POLK: variants seen among roughly 807,000 people sequenced by gnomAD.
POLK encodes DNA polymerase kappa, also known as polymerase (DNA directed) kappa.
A neutral mutation model predicts 94.0 loss-of-function variants in POLK; 76 were observed. That is an observed-to-expected ratio of 0.81 (90% CI 0.67 to 0.98). The LOEUF (loss-of-function observed/expected upper bound fraction) is 0.98, where lower values mean the gene tolerates loss of function less well. POLK is among the 50% of genes least tolerant of loss of function. The pLI is 0.00. For synonymous variants in POLK, 349 were observed against 325.4 expected (o/e 1.07, Z -0.78); for missense variants, 954 against 1,010.1 (o/e 0.94, Z 0.75).
intron 7 of POLK, 190 bp from the exon 8 acceptor site, chr5:75,583,103 G>A (rs927495849): frequency 3.2e-5 from 14 of 443,474 alleles, no homozygotes; most frequent in Non-Finnish European, 5.6e-5. Context: ...ACTGTAACTA[G>A]TACAATTTAT....
chr5:75,573,379 G>A (rs1011106964), intron 4 of POLK, among the ~76,000 whole-genome samples: 4 of 152,114 alleles, frequency 2.6e-5, no homozygotes, highest in African/African-American at 4.8e-5. Context: ...GGGGGGAAGG[G>A]GGAGGGATAG....
rs760963756 is a variant in POLK, at chr5:75,579,971, T to TAAA, written c.695-1221_695-1219dup. Among the ~76,000 whole-genome samples, 144 of 125,444 alleles carry TAAA rather than the reference T, an allele frequency of 1.1e-3. 1 individual carries two copies. In the East Asian group the frequency reaches 0.028, roughly 24 times the overall value. 82.3% of individuals were successfully genotyped at this position (125,444 alleles called of 152,430 possible). ...CCTGGGCAAGAGGGAGACCCTGTCT[T>TAAA]AAAAAAAAAAAAAAAAAAAGAGAGA... is the stretch of plus-strand genomic sequence containing the variant. On this transcript the variant is annotated intron_variant, in intron 6 of 14. Transcript: ENST00000241436.
intron 1 of POLK, among the ~76,000 whole-genome samples, chr5:75,531,028 C>T (rs923087773): frequency 4.0e-5 from 6 of 151,690 alleles, no homozygotes; most frequent in African/African-American, 9.7e-5. Flanking sequence ...AGGATGGTCT[C>T]GATCTCCTGA....
At chr5:75,584,791 T>C (rs746549263) in exon 9 of POLK, 68 of 1,568,364 alleles carry the variant, frequency 4.3e-5, no homozygotes, top group Middle Eastern at 1.7e-4. Flanking sequence ...ACAGAGAAAA[T>C]GTTAAAGGCC....
intron 10 of POLK, 72 bp from the exon 11 acceptor site, chr5:75,590,272 C>A: frequency 2.9e-6 from 2 of 701,268 alleles, no homozygotes; most frequent in Non-Finnish European, 4.7e-6. Context: ...GCCATATAAA[C>A]ATGCATACCA....
exon 13 of POLK, chr5:75,596,688 T>C (rs1339067137): frequency 1.2e-6 from 2 of 1,614,016 alleles, no homozygotes; most frequent in South Asian, 2.2e-5. Flanking sequence ...CACATGTTTC[T>C]GCTACCAAAG....
intron 13 of POLK, 195 bp from the exon 14 acceptor site, chr5:75,597,552 A>T (rs1773157996): frequency 2.3e-6 from 1 of 428,972 alleles, no homozygotes; most frequent in Non-Finnish European, 4.1e-6. Flanking sequence ...CCCAAATTTC[A>T]CCAATAAAAT....
At chr5:75,575,028 G>C (rs1771800549) in intron 5 of POLK, among the ~76,000 whole-genome samples, 1 of 152,328 alleles carries the variant, frequency 6.6e-6, no homozygotes, top group African/African-American at 2.4e-5. Flanking sequence ...GGTTATTTAT[G>C]TAAGTCAGAG....
At chr5:75,569,244 C>T (rs1581042963) in intron 3 of POLK, 96 bp from the exon 4 acceptor site, 1 of 808,322 alleles carries the variant, frequency 1.2e-6, no homozygotes, top group Non-Finnish European at 1.9e-6. Context: ...TGGACAGAGA[C>T]TGATAGACAC....
Position 75,597,792 on chromosome 5 carries a change from A to G in POLK, c.2528+3A>G. On this transcript the variant is annotated splice_donor_region_variant and intron_variant, in intron 14 of 14. Transcript: ENST00000241436. Reference sequence around the variant, plus strand: ...AAGGCTGTAACAAGAACAAAAAGGTATGGCTAATTTGAGCTTTAATAAAGC... The same window carrying G: ...AAGGCTGTAACAAGAACAAAAAGGTGTGGCTAATTTGAGCTTTAATAAAGC... The G allele has an allele frequency of 2.0e-6, 3 of 1,502,748 alleles. No homozygotes were observed. Among genetic ancestry groups the G allele is most frequent in the African/African-American group, 1.4e-5 (1 of 70,508 alleles). The allele number at this position is 1,502,748 out of a possible 1,614,324, so 93.1% of individuals were successfully genotyped here. A position where few individuals can be genotyped will look rare whatever the true frequency, so the allele number is the denominator to read the frequency against.
intron 1 of POLK, among the ~76,000 whole-genome samples, chr5:75,531,745 CTG>C (rs1217354634): frequency 6.6e-6 from 1 of 151,778 alleles, no homozygotes; most frequent in Non-Finnish European, 1.5e-5. Context: ...TGAGCTGAGA[CTG>C]TGTCACTACA....
In POLK at chr5:75,597,783, CA is replaced by C; in HGVS notation, c.2527del (p.Arg843GlyfsTer4). On this transcript the variant is annotated frameshift_variant, in exon 14 of 15. Transcript: ENST00000241436. LOFTEE classifies it high-confidence loss of function. The stretch of plus-strand genomic sequence containing the variant: ...GGAGTACAGAAGGCTGTAACAAGAA[CA>C]AAAAGGTATGGCTAATTTGAGCTTT... 1 of 1,511,912 alleles carries C rather than the reference CA, an allele frequency of 6.6e-7. No homozygotes were observed. Among genetic ancestry groups the C allele is most frequent in the Admixed American group, 2.0e-5 (1 of 48,844 alleles). The allele number at this position is 1,511,912 out of a possible 1,614,324, so 93.7% of individuals were successfully genotyped here.
rs185752953 is a variant in POLK at position 75,597,148 on chromosome 5, A to C, written c.2455A>C (p.Asn819His). 1,474 of 1,602,126 alleles carry C rather than the reference A, an allele frequency of 9.2e-4. 1 individual carries two copies. The highest frequency in any genetic ancestry group is 1.1e-3 in the Non-Finnish European group (1,299 of 1,169,656). ...AAGAAAGGATAAATTTAACCCAGTT[A>C]ATCAACCCAAAGAAAGCTCCAGAAG... The change falls in exon 13 of 15, where the codon AAT (asparagine) becomes CAT (histidine). Residue 819 changes from asparagine (N) to histidine (H), a missense_variant. Coordinates refer to ENST00000241436, the Ensembl canonical transcript of POLK.
At chr5:75,554,703 T>A (rs1770514002) in intron 3 of POLK, among the ~76,000 whole-genome samples, 2 of 152,142 alleles carry the variant, frequency 1.3e-5, no homozygotes, top group South Asian at 4.1e-4. Context: ...TTCCCTTGTA[T>A]GTGTCCATGT....
At chr5:75,520,017 T>C (rs1047900440) in intron 1 of POLK, among the ~76,000 whole-genome samples, 10 of 152,218 alleles carry the variant, frequency 6.6e-5, no homozygotes, top group African/African-American at 2.2e-4. Context: ...TTAATTGCTG[T>C]TTATTTTTAG....
chr5:75,601,634 A>T (rs1773299044), downstream of POLK, among the ~76,000 whole-genome samples: 1 of 152,176 alleles, frequency 6.6e-6, no homozygotes, highest in Non-Finnish European at 1.5e-5. Flanking sequence ...CCTGTGCTGC[A>T]TGTCTTCTGC....
chr5:75,533,889 G>A (rs1207488488), intron 1 of POLK, among the ~76,000 whole-genome samples: 1 of 152,162 alleles, frequency 6.6e-6, no homozygotes, highest in Non-Finnish European at 1.5e-5. Flanking sequence ...CTGTCAGCTT[G>A]GAGGTTGCTG....
At chr5:75,563,966 G>A (rs886705938) in intron 3 of POLK, among the ~76,000 whole-genome samples, 4 of 152,266 alleles carry the variant, frequency 2.6e-5, no homozygotes, top group South Asian at 2.1e-4. Flanking sequence ...TTTCTGTCTC[G>A]TTGATCTGTC....
intron 3 of POLK, among the ~76,000 whole-genome samples, chr5:75,555,285 A>G (rs1485578586): frequency 6.6e-6 from 1 of 151,814 alleles, no homozygotes; most frequent in African/African-American, 2.4e-5. Flanking sequence ...CTAAAAAAAT[A>G]CTCTGTGCTC....
Sources: allele counts gnomAD v4.1 joint callset (sites outside exome capture counted in the v4.1 genomes callset), GRCh38; gene constraint gnomAD v4.1.1; transcripts MANE v1.5; gene names NCBI Gene and HGNC (gene_info 2026-07-23, HGNC 2026-07-21).